SIPA1L1: variants seen among roughly 807,000 people sequenced by gnomAD.
SIPA1L1 encodes the protein signal induced proliferation associated 1 like 1, also known as signal-induced proliferation-associated 1-like protein 1.
A neutral mutation model predicts 162.7 loss-of-function variants in SIPA1L1; 26 were observed. The observed-to-expected ratio is 0.16, with a 90% CI of 0.12 to 0.22. The LOEUF is 0.22. Ranked by LOEUF, SIPA1L1 falls within the 10% of genes least tolerant of loss-of-function variation. The pLI, the probability that SIPA1L1 is intolerant of heterozygous loss-of-function variation, is 1.00. For missense variants in SIPA1L1, 1,874 were observed against 2,241.0 expected, an observed-to-expected ratio of 0.84 and a Z score of 3.31; for synonymous variants, 829 against 837.4, an observed-to-expected ratio of 0.99 and a Z score of 0.17.
chr14:71,380,804 G>T (rs2039830841), intron 2 of SIPA1L1, among the ~76,000 whole-genome samples: 1 of 152,126 alleles, frequency 6.6e-6, no homozygotes, highest in South Asian at 2.1e-4. Flanking sequence ...TAATACTTAT[G>T]TAGTTATTGT....
chr14:71,386,304 G>A (rs1459459852), intron 2 of SIPA1L1, among the ~76,000 whole-genome samples: 1 of 152,202 alleles, frequency 6.6e-6, no homozygotes, highest in Non-Finnish European at 1.5e-5. Context: ...GGAGAAAGAT[G>A]TAGGCTGGGA....
intron 10 of SIPA1L1, among the ~76,000 whole-genome samples, chr14:71,664,626 G>A (rs1566597314): frequency 6.6e-6 from 1 of 152,148 alleles, no homozygotes; most frequent in African/African-American, 2.4e-5. Flanking sequence ...TAGTCACCCT[G>A]TTGTGCTAGC....
intron 17 of SIPA1L1, among the ~76,000 whole-genome samples, chr14:71,715,238 A>C (rs1185640664): frequency 2.0e-5 from 3 of 152,258 alleles, no homozygotes; most frequent in African/African-American, 7.2e-5. Context: ...CAGTTCTACC[A>C]TTGGTCAGCT....
chr14:71,331,235 C>G (rs532834029), intron 2 of SIPA1L1, among the ~76,000 whole-genome samples: 2 of 152,116 alleles, frequency 1.3e-5, no homozygotes, highest in Non-Finnish European at 2.9e-5. Flanking sequence ...TCTGGGCTGT[C>G]TATTCTATTC....
At chr14:71,608,566 C>G (rs1567303114) in intron 5 of SIPA1L1, among the ~76,000 whole-genome samples, 1 of 151,926 alleles carries the variant, frequency 6.6e-6, no homozygotes, top group African/African-American at 2.4e-5. Flanking sequence ...AGTCATTGAC[C>G]ATTTGCAAAC....
chr14:71,532,746 T>A (rs2053557326), intron 4 of SIPA1L1, among the ~76,000 whole-genome samples: 1 of 152,094 alleles, frequency 6.6e-6, no homozygotes, highest in Non-Finnish European at 1.5e-5. Context: ...TGAAAGTAAA[T>A]TTTTTTTCCC....
Position 71,588,587 on chromosome 14 carries a change from A to C in SIPA1L1, c.715A>C (p.Thr239Pro). 2 of 1,614,036 alleles carry C rather than the reference A, an allele frequency of 1.2e-6. No individual in the cohort carries two copies. Among genetic ancestry groups the C allele is most frequent in the Non-Finnish European group, 1.7e-6 (2 of 1,179,974 alleles). Residue 239 changes from threonine to proline, a missense_variant, in exon 5 of 24, where the codon ACT becomes CCT. By Grantham distance (38) the Thr-to-Pro change is conservative (BLOSUM62 -1). Coordinates refer to ENST00000381232, the MANE Select transcript of SIPA1L1 (RefSeq NM_001386936.1). The surrounding 1 kb of genome is among the most constrained non-coding windows in gnomAD (Gnocchi z 4.3). The stretch of plus-strand genomic sequence containing the variant: ...AGATGACAAATCTGATCGAGGTCCA[A>C]CTCCAACCAAGCTCAGTGACTTTCT... ...YKDDKSDRGP[T>P]PTKLSDFLIT...
intron 2 of SIPA1L1, among the ~76,000 whole-genome samples, chr14:71,333,018 T>C (rs2034726867): frequency 6.6e-6 from 1 of 152,238 alleles, no homozygotes; most frequent in Non-Finnish European, 1.5e-5. Flanking sequence ...TGGATAATTT[T>C]AGTGTTAGTT....
At chr14:71,406,205 A>G (rs544420378) in intron 2 of SIPA1L1, among the ~76,000 whole-genome samples, 24 of 152,242 alleles carry the variant, frequency 1.6e-4, no homozygotes, top group Non-Finnish European at 2.9e-4. Context: ...AACTGGGAAG[A>G]TGAACTTCTG....
chr14:71,679,685 C>T (rs1187011649), intron 12 of SIPA1L1, among the ~76,000 whole-genome samples: 3 of 152,092 alleles, frequency 2.0e-5, no homozygotes, highest in African/African-American at 7.2e-5. Context: ...ATTCAGGAGA[C>T]CCATCTCATG....
intron 5 of SIPA1L1, among the ~76,000 whole-genome samples, chr14:71,597,368 C>A (rs1008692303): frequency 2.6e-5 from 4 of 151,998 alleles, no homozygotes; most frequent in Non-Finnish European, 5.9e-5. Flanking sequence ...TTTCTAAGTT[C>A]TTTTTCTTGA....
intron 7 of SIPA1L1, among the ~76,000 whole-genome samples, chr14:71,637,219 A>C (rs2041247721): frequency 6.6e-6 from 1 of 152,042 alleles, no homozygotes; most frequent in South Asian, 2.1e-4. Flanking sequence ...AAAGAAAAAC[A>C]GACAATACAA....
intron 2 of SIPA1L1, among the ~76,000 whole-genome samples, chr14:71,505,412 CTCTT>C (rs1280882759): frequency 1.2e-4 from 18 of 145,732 alleles, no homozygotes; most frequent in Admixed American, 6.9e-4. Flanking sequence ...TCACAGCTCT[CTCTT>C]TCTTCTTTTT....
At chr14:71,470,655 G>T (rs1259447333) in intron 2 of SIPA1L1, among the ~76,000 whole-genome samples, 2 of 152,072 alleles carry the variant, frequency 1.3e-5, no homozygotes, top group Non-Finnish European at 2.9e-5. Flanking sequence ...TGGGGTAAAT[G>T]ATGTAAACTT....
intron 2 of SIPA1L1, among the ~76,000 whole-genome samples, chr14:71,369,803 G>C (rs2038707445): frequency 6.7e-6 from 1 of 149,780 alleles, no homozygotes; most frequent in Non-Finnish European, 1.5e-5. Context: ...AGCATGGAAT[G>C]TTCTTCCATT....
chr14:71,721,688 G>A (rs2083749379), intron 17 of SIPA1L1, among the ~76,000 whole-genome samples: 1 of 152,186 alleles, frequency 6.6e-6, no homozygotes, highest in South Asian at 2.1e-4. Flanking sequence ...CTTTCCCTAA[G>A]TGGAAGGAGC....
At chr14:71,398,177 G>A (rs1314872981) in intron 2 of SIPA1L1, among the ~76,000 whole-genome samples, 1 of 151,792 alleles carries the variant, frequency 6.6e-6, no homozygotes, top group African/African-American at 2.4e-5. Flanking sequence ...CACTGCACCC[G>A]GCTAATTTTT....
rs1438074263 is a variant in SIPA1L1 at position 71,708,311 on chromosome 14, ATTCT to A, written c.3766-900_3766-897del. Among the ~76,000 whole-genome samples the A allele has an allele frequency of 6.1e-5, 9 of 146,794 alleles. No individual in the cohort carries two copies. In the East Asian group the frequency reaches 1.2e-3, roughly 19 times the overall value. ...TTCTATATGGTAAGGATCCAACTTT[ATTCT>A]TTCTTTCTTTTTTTTTTTTTTTGAG... On this transcript the variant is annotated intron_variant, in intron 16 of 23. Coordinates refer to ENST00000381232, the MANE Select transcript of SIPA1L1 (RefSeq NM_001386936.1).
intron 4 of SIPA1L1, among the ~76,000 whole-genome samples, chr14:71,578,460 C>T (rs1196102470): frequency 6.6e-6 from 1 of 152,202 alleles, no homozygotes; most frequent in African/African-American, 2.4e-5. Flanking sequence ...GGCACCAAAA[C>T]TCCCACCCTG....
Sources: allele counts gnomAD v4.1 joint callset (sites outside exome capture counted in the v4.1 genomes callset), GRCh38; gene constraint gnomAD v4.1.1; non-coding constraint Gnocchi (gnomAD v3.1); transcripts MANE v1.5; gene names NCBI Gene and HGNC (gene_info 2026-07-23, HGNC 2026-07-21).